TAFA5: variants seen among roughly 807,000 people sequenced by gnomAD.
TAFA5 encodes TAFA chemokine like family member 5.
Under a neutral mutation model 15.3 loss-of-function variants are expected in TAFA5, and 6 were observed. The ratio of observed to expected loss-of-function variants is 0.39; its 90% CI spans 0.21 to 0.77. The LOEUF (loss-of-function observed/expected upper bound fraction) is 0.77. TAFA5 is among the 30% of genes least tolerant of loss of function. TAFA5 has a pLI of 0.41. For missense variants in TAFA5, 161 were observed against 193.1 expected, an observed-to-expected ratio of 0.83 and a Z score of 0.98; for synonymous variants, 103 against 80.7, an observed-to-expected ratio of 1.28 and a Z score of -1.48.
chr22:48,574,789 G>A (rs913151052), intron 1 of TAFA5, among the ~76,000 whole-genome samples: 2 of 152,212 alleles, frequency 1.3e-5, no homozygotes, highest in Middle Eastern at 3.2e-3. Context: ...GCTCTGGGGC[G>A]AACCCCTGAC....
intron 1 of TAFA5, among the ~76,000 whole-genome samples, chr22:48,640,780 G>A (rs1926643971): frequency 6.6e-6 from 1 of 152,192 alleles, no homozygotes; most frequent in Non-Finnish European, 1.5e-5. Flanking sequence ...GAAGTGAGTG[G>A]TCTGCCCAGG....
intron 1 of TAFA5, among the ~76,000 whole-genome samples, chr22:48,523,711 C>A (rs578001546): frequency 6.6e-5 from 10 of 152,214 alleles, no homozygotes; most frequent in Non-Finnish European, 1.2e-4. Context: ...GGAGCCGCTC[C>A]CAGGAACCCC....
chr22:48,655,830 CTTTTT>C (rs1197219539), intron 2 of TAFA5, among the ~76,000 whole-genome samples: 12 of 62,410 alleles, frequency 1.9e-4, no homozygotes, highest in African/African-American at 5.9e-4. Context: ...AACACTGATT[CTTTTT>C]TTTTTTTTTT....
intron 1 of TAFA5, among the ~76,000 whole-genome samples, chr22:48,535,304 A>G (rs1053735172): frequency 8.5e-5 from 13 of 152,162 alleles, no homozygotes; most frequent in Admixed American, 7.9e-4. Flanking sequence ...CCTGCACATG[A>G]GTGTGCATGT....
intron 1 of TAFA5, among the ~76,000 whole-genome samples, chr22:48,518,359 C>T (rs906619017): frequency 1.6e-4 from 24 of 152,204 alleles, no homozygotes; most frequent in African/African-American, 5.3e-4. Context: ...GCTAGAAGTC[C>T]TTCCAGGCCT....
chr22:48,716,711 TG>T (rs1255957341), intron 3 of TAFA5, among the ~76,000 whole-genome samples: 1 of 152,148 alleles, frequency 6.6e-6, no homozygotes, highest in Non-Finnish European at 1.5e-5. Context: ...GAGAGCGCTT[TG>T]GGAAACTGTA....
chr22:48,706,463 C>G (rs950072485), intron 2 of TAFA5, among the ~76,000 whole-genome samples: 1 of 152,204 alleles, frequency 6.6e-6, no homozygotes, highest in Non-Finnish European at 1.5e-5. Context: ...AGTGGGGTGC[C>G]TGGCTCTCAC....
At position 48,744,710 on chromosome 22, in the gene TAFA5, C is replaced by G. The variant is rs537508808; in HGVS notation, c.391-5129C>G. Among the ~76,000 whole-genome samples the G allele has an allele frequency of 3.3e-5, 5 of 152,314 alleles. No individual in the cohort carries two copies. The East Asian group carries it at 9.7e-4, about 29-fold the overall frequency. On this transcript the variant is annotated intron_variant, in intron 3 of 3. Coordinates refer to ENST00000402357, the MANE Select transcript of TAFA5 (RefSeq NM_001082967.3). Reference sequence around the variant, plus strand: ...AGAGCACCTTTACGAACATCTTTTTCTCTGTGCTTCCGCAGCCCTGGGAGG... The same window carrying G: ...AGAGCACCTTTACGAACATCTTTTTGTCTGTGCTTCCGCAGCCCTGGGAGG...
At chr22:48,578,343 C>A (rs1003214990) in intron 1 of TAFA5, among the ~76,000 whole-genome samples, 1 of 152,178 alleles carries the variant, frequency 6.6e-6, no homozygotes, top group Non-Finnish European at 1.5e-5. Context: ...GCGGCGCTGC[C>A]CCAGTGCAGG....
intron 2 of TAFA5, among the ~76,000 whole-genome samples, chr22:48,649,844 C>A (rs937346871): frequency 6.6e-6 from 1 of 152,142 alleles, no homozygotes; most frequent in African/African-American, 2.4e-5. Flanking sequence ...TACTTCCGCC[C>A]GCCTATCGGC....
intron 1 of TAFA5, among the ~76,000 whole-genome samples, chr22:48,556,318 C>T (rs951862768): frequency 2.6e-5 from 4 of 152,302 alleles, no homozygotes; most frequent in East Asian, 3.9e-4. Context: ...TGCCAAGCTC[C>T]GGGGACCTAG....
chr22:48,493,358 T>G (rs6007867), intron 1 of TAFA5, among the ~76,000 whole-genome samples: 67,652 of 152,104 alleles, frequency 0.44, 17,046 homozygotes, highest in African/African-American at 0.69. Context: ...CATGTCCTCA[T>G]CTATAACTAT....
intron 1 of TAFA5, among the ~76,000 whole-genome samples, chr22:48,633,557 T>TCC (rs1555894489): frequency 7.3e-5 from 11 of 150,712 alleles, no homozygotes; most frequent in Non-Finnish European, 1.5e-5. Context: ...TCTCTCTCTC[T>TCC]CCATCTCTCC....
At chr22:48,597,217 C>T (rs1924797213) in intron 1 of TAFA5, among the ~76,000 whole-genome samples, 2 of 152,216 alleles carry the variant, frequency 1.3e-5, no homozygotes, top group Non-Finnish European at 2.9e-5. Flanking sequence ...GAGCGTGTCC[C>T]CAGAGTGTCC....
intron 1 of TAFA5, among the ~76,000 whole-genome samples, chr22:48,607,542 G>A (rs1317001185): frequency 2.2e-5 from 3 of 133,900 alleles, no homozygotes; most frequent in African/African-American, 9.0e-5. Flanking sequence ...GTCTGTCCTG[G>A]GTTCTGATTA....
At chr22:48,562,937 G>A (rs1261523689) in intron 1 of TAFA5, among the ~76,000 whole-genome samples, 4 of 152,228 alleles carry the variant, frequency 2.6e-5, no homozygotes, top group Non-Finnish European at 2.9e-5. Context: ...CCGTCTGTGC[G>A]GAGGCCCTGG....
chr22:48,676,727 GCA>G (rs1927985313), intron 2 of TAFA5, among the ~76,000 whole-genome samples: 1 of 152,210 alleles, frequency 6.6e-6, no homozygotes, highest in Non-Finnish European at 1.5e-5. Flanking sequence ...GAGCGGGTAT[GCA>G]CTGCTCATGG....
At chr22:48,660,133 C>G (rs1209283977) in intron 2 of TAFA5, among the ~76,000 whole-genome samples, 1 of 152,030 alleles carries the variant, frequency 6.6e-6, no homozygotes, top group East Asian at 1.9e-4. Flanking sequence ...AAGGGCTGTC[C>G]CCCCAAAAAA....
At chr22:48,609,488 G>A (rs952835176) in intron 1 of TAFA5, among the ~76,000 whole-genome samples, 1 of 152,196 alleles carries the variant, frequency 6.6e-6, no homozygotes, top group Non-Finnish European at 1.5e-5. Flanking sequence ...TGGACAGGGC[G>A]CTGGAGCCAG....
Sources: gnomAD v4.1 joint callset for allele counts (sites outside exome capture counted in the v4.1 genomes callset) on GRCh38, gnomAD v4.1.1 for gene constraint, MANE v1.5 for transcripts, NCBI Gene and HGNC (gene_info 2026-07-23, HGNC 2026-07-21) for gene names.